The following FGF14 variants were observed in gnomAD, a reference collection of about 807,000 sequenced individuals.
The protein encoded by FGF14 is fibroblast growth factor homologous factor 4.
FGF14 carries 5 observed loss-of-function variants against 25.5 expected under a neutral mutation model. That is an observed-to-expected ratio of 0.20 (90% CI 0.10 to 0.41). The LOEUF is 0.41. FGF14 is among the 10% of genes least tolerant of loss of function. The probability of loss-of-function intolerance (pLI) is 1.00; values close to 1 mark genes in which losing one functional copy is unlikely to be tolerated. For missense variants in FGF14, 222 were observed against 320.1 expected (o/e 0.69, Z 2.34); for synonymous variants, 138 against 118.3 (o/e 1.17, Z -1.08).
chr13:102,189,022 GAAGA>G (rs1266971425), intron 1 of FGF14, among the ~76,000 whole-genome samples: 1,309 of 70,196 alleles, frequency 0.019, 13 homozygotes, highest in South Asian at 0.021. Context: ...AAGAATGAAA[GAAGA>G]AAAGAAAGAA....
At chr13:102,166,340 T>C (rs557730670) in intron 1 of FGF14, among the ~76,000 whole-genome samples, 32 of 152,262 alleles carry the variant, frequency 2.1e-4, no homozygotes, top group African/African-American at 7.5e-4. Flanking sequence ...TAAATAGATT[T>C]ATTTTACAAT....
At chr13:102,224,063 C>A (rs770346421) in intron 1 of FGF14, among the ~76,000 whole-genome samples, 20 of 151,838 alleles carry the variant, frequency 1.3e-4, no homozygotes, top group Non-Finnish European at 1.3e-4. Context: ...TACATAAACA[C>A]GTATAAACAT....
intron 1 of FGF14, among the ~76,000 whole-genome samples, chr13:102,317,036 A>C (rs2056059051): frequency 6.6e-6 from 1 of 152,078 alleles, no homozygotes; most frequent in South Asian, 2.1e-4. Context: ...CCATTCATTA[A>C]TTCATTTCAT....
chr13:102,195,830 A>C (rs2140850614), intron 1 of FGF14, among the ~76,000 whole-genome samples: 1 of 152,106 alleles, frequency 6.6e-6, no homozygotes, highest in Middle Eastern at 3.4e-3. Context: ...AACAACAGTA[A>C]AAAAAACCCA....
chr13:102,251,376 G>A (rs1032223850), intron 1 of FGF14, among the ~76,000 whole-genome samples: 1 of 152,226 alleles, frequency 6.6e-6, no homozygotes, highest in African/African-American at 2.4e-5. Flanking sequence ...GGCACTCTAA[G>A]CCTCTGGACT....
intron 1 of FGF14, among the ~76,000 whole-genome samples, chr13:102,123,261 C>T (rs2045811034): frequency 6.6e-6 from 1 of 152,070 alleles, no homozygotes; most frequent in Admixed American, 6.6e-5. Flanking sequence ...ATGTTTCCTA[C>T]TAGACTGAGA....
chr13:102,068,623 G>A (rs976729363), intron 1 of FGF14, among the ~76,000 whole-genome samples: 10 of 152,346 alleles, frequency 6.6e-5, no homozygotes, highest in South Asian at 2.1e-4. Flanking sequence ...CCGGGCCAGC[G>A]GCTGCAGAGG....
intron 1 of FGF14, among the ~76,000 whole-genome samples, chr13:102,229,628 C>T (rs1436626896): frequency 1.3e-5 from 2 of 152,196 alleles, no homozygotes; most frequent in Admixed American, 1.3e-4. Flanking sequence ...GTCCTCTTCC[C>T]TCTCTAGTCC....
At chr13:102,046,162 CT>C (rs1367458423) in intron 1 of FGF14, among the ~76,000 whole-genome samples, 1 of 152,118 alleles carries the variant, frequency 6.6e-6, no homozygotes, top group Admixed American at 6.5e-5. Context: ...CCCCTAACTC[CT>C]TTTTCCTAAG....
chr13:101,958,960 C>T (rs2036674230), intron 1 of FGF14, among the ~76,000 whole-genome samples: 1 of 152,168 alleles, frequency 6.6e-6, no homozygotes, highest in African/African-American at 2.4e-5. Context: ...GATACACAAT[C>T]AGAGATTTGC....
chr13:101,760,331 G>C (rs757710659), intron 3 of FGF14, among the ~76,000 whole-genome samples: 1 of 152,084 alleles, frequency 6.6e-6, no homozygotes, highest in African/African-American at 2.4e-5. Flanking sequence ...TATTAAAAAG[G>C]CTTTTGTCTA....
At chr13:102,024,744 C>T (rs1164894191) in intron 1 of FGF14, among the ~76,000 whole-genome samples, 5 of 151,776 alleles carry the variant, frequency 3.3e-5, no homozygotes, top group South Asian at 2.1e-4. Context: ...TAGTTTAGGT[C>T]GATGATTCAA....
At chr13:102,387,081 A>G (rs574488022) in intron 1 of FGF14, among the ~76,000 whole-genome samples, 40 of 152,334 alleles carry the variant, frequency 2.6e-4, no homozygotes, top group African/African-American at 8.7e-4. Context: ...ATGATTTCCA[A>G]TAAGGATCCT....
At chr13:102,350,317 T>C (rs1156363487) in intron 1 of FGF14, among the ~76,000 whole-genome samples, 1 of 151,564 alleles carries the variant, frequency 6.6e-6, no homozygotes, top group South Asian at 2.1e-4. Flanking sequence ...TGTTGTGAGC[T>C]ATAATTGTGC....
chr13:101,905,300 C>A (rs2139021432), intron 1 of FGF14, among the ~76,000 whole-genome samples: 1 of 152,248 alleles, frequency 6.6e-6, no homozygotes, highest in East Asian at 1.9e-4. Context: ...TTGGAACCTA[C>A]CCAAATGTCC....
chr13:102,203,090 A>G (rs188144680), intron 1 of FGF14, among the ~76,000 whole-genome samples: 113 of 152,274 alleles, frequency 7.4e-4, no homozygotes, highest in Non-Finnish European at 1.3e-3. Context: ...CACAGCCACC[A>G]TCATTTAAAG....
chr13:102,231,102 TGGTGAGCCAA>T (rs1481061271), intron 1 of FGF14, among the ~76,000 whole-genome samples: 1 of 152,232 alleles, frequency 6.6e-6, no homozygotes, highest in African/African-American at 2.4e-5. Flanking sequence ...TCTGTCAATC[TGGTGAGCCAA>T]GTTGCCACTA....
intron 1 of FGF14, among the ~76,000 whole-genome samples, chr13:102,268,599 AAG>A (rs1178293546): frequency 6.6e-6 from 1 of 152,116 alleles, no homozygotes; most frequent in African/African-American, 2.4e-5. Flanking sequence ...TGATGGGAGA[AAG>A]AGAATTTCAC....
intron 1 of FGF14, among the ~76,000 whole-genome samples, chr13:102,218,237 CT>C (rs1378147512): frequency 6.6e-6 from 1 of 151,994 alleles, no homozygotes; most frequent in Non-Finnish European, 1.5e-5. Context: ...ATAAAAAGCC[CT>C]GACCACAAAG....
Sources: gnomAD v4.1 joint callset for allele counts (sites outside exome capture counted in the v4.1 genomes callset) on GRCh38, gnomAD v4.1.1 for gene constraint, MANE v1.5 for transcripts, NCBI Gene and HGNC (gene_info 2026-07-23, HGNC 2026-07-21) for gene names.